Variants in KCNG2 observed in about 807,000 individuals in gnomAD.
KCNG2 encodes potassium voltage-gated channel modifier subfamily G member 2.
In KCNG2, 7 loss-of-function variants were observed where a neutral mutation model predicts 12.3. The ratio of observed to expected loss-of-function variants is 0.57; its 90% confidence interval spans 0.32 to 1.07. The LOEUF (loss-of-function observed/expected upper bound fraction) is 1.07. Ranked by LOEUF, KCNG2 falls within the 50% of genes least tolerant of loss-of-function variation. The pLI, the probability that KCNG2 is intolerant of heterozygous loss-of-function variation, is 0.04. For synonymous variants in KCNG2, 414 were observed against 351.4 expected (o/e 1.18, Z -1.99); for missense variants, 703 against 726.0 (o/e 0.97, Z 0.36).
At chr18:79,875,542 T>C (rs1433199452) in intron 3 of KCNG2, among the ~76,000 whole-genome samples, 1 of 152,244 alleles carries the variant, frequency 6.6e-6, no homozygotes, top group Non-Finnish European at 1.5e-5. Context: ...GCCTTTGTTA[T>C]GGGGTCGGCC....
chr18:79,847,736 C>G (rs1331280892), intron 1 of KCNG2, among the ~76,000 whole-genome samples: 2 of 152,220 alleles, frequency 1.3e-5, no homozygotes, highest in Non-Finnish European at 2.9e-5. Flanking sequence ...GACACACACT[C>G]ATGTTGCATG....
At chr18:79,827,010 G>C (rs1048023883) in intron 1 of KCNG2, among the ~76,000 whole-genome samples, 1 of 152,268 alleles carries the variant, frequency 6.6e-6, no homozygotes. Flanking sequence ...TTTCTGTTCA[G>C]GACGCTGAGC....
intron 3 of KCNG2, among the ~76,000 whole-genome samples, chr18:79,871,039 G>T (rs1979808211): frequency 6.6e-6 from 1 of 152,140 alleles, no homozygotes; most frequent in African/African-American, 2.4e-5. Flanking sequence ...CCAAAGACCA[G>T]CACCGAGAGA....
intron 1 of KCNG2, among the ~76,000 whole-genome samples, chr18:79,818,326 G>A (rs1390157820): frequency 6.6e-6 from 1 of 152,258 alleles, no homozygotes; most frequent in African/African-American, 2.4e-5. Flanking sequence ...CCCAAGAGGG[G>A]CGTGGAGGCT....
At chr18:79,820,656 C>G (rs960015929) in intron 1 of KCNG2, among the ~76,000 whole-genome samples, 1 of 152,074 alleles carries the variant, frequency 6.6e-6, no homozygotes, top group African/African-American at 2.4e-5. Flanking sequence ...GTTCTTTGCC[C>G]ATTTTATTTA....
At chr18:79,828,467 C>G (rs528249769) in intron 1 of KCNG2, among the ~76,000 whole-genome samples, 1 of 149,772 alleles carries the variant, frequency 6.7e-6, no homozygotes, top group African/African-American at 2.5e-5. Context: ...AAATGTGTGT[C>G]TGTGTGTGCA....
intron 1 of KCNG2, among the ~76,000 whole-genome samples, chr18:79,831,655 G>T (rs57956968): frequency 3.9e-5 from 4 of 102,248 alleles, no homozygotes; most frequent in African/African-American, 2.6e-4. Context: ...GTGCCCTGCG[G>T]ACAGAGCCTT....
At chr18:79,812,475 G>A (rs118090968) in intron 1 of KCNG2, among the ~76,000 whole-genome samples, 2,374 of 152,290 alleles carry the variant, frequency 0.016, 29 homozygotes, top group Admixed American at 0.025. Flanking sequence ...TCAAAGAAGA[G>A]AAGGGAACCC....
chr18:79,855,882 T>C (rs1236294562), intron 1 of KCNG2, among the ~76,000 whole-genome samples: 2 of 152,178 alleles, frequency 1.3e-5, no homozygotes, highest in Non-Finnish European at 1.5e-5. Context: ...ATGAATGAAA[T>C]TGAGCATTTT....
intron 3 of KCNG2, among the ~76,000 whole-genome samples, chr18:79,882,919 C>T (rs1980373075): frequency 6.6e-6 from 1 of 152,004 alleles, no homozygotes; most frequent in South Asian, 2.1e-4. Flanking sequence ...CACGCGGAGG[C>T]CGGGTACACC....
chr18:79,848,476 G>A (rs376967505), intron 1 of KCNG2, among the ~76,000 whole-genome samples: 37 of 152,290 alleles, frequency 2.4e-4, no homozygotes, highest in African/African-American at 8.7e-4. Flanking sequence ...TGCATCCCAC[G>A]GCCTCAGTGT....
At chr18:79,871,683 G>A (rs1979837577) in intron 3 of KCNG2, among the ~76,000 whole-genome samples, 1 of 152,232 alleles carries the variant, frequency 6.6e-6, no homozygotes, top group South Asian at 2.1e-4. Context: ...AGGGGCAGTA[G>A]AGGGAGGGGA....
At chr18:79,866,112 GCTGAGAGGTCTGTGTT>G (rs1175172983) in intron 3 of KCNG2, among the ~76,000 whole-genome samples, 1 of 148,118 alleles carries the variant, frequency 6.8e-6, no homozygotes, top group Non-Finnish European at 1.5e-5. Context: ...AGGTCTGGGT[GCTGAGAGGTCTGTGTT>G]CTGAGGTCTG....
At chr18:79,832,713 C>T (rs924292086) in intron 1 of KCNG2, among the ~76,000 whole-genome samples, 9 of 152,246 alleles carry the variant, frequency 5.9e-5, no homozygotes, top group African/African-American at 2.2e-4. Flanking sequence ...ATCCTGCTCT[C>T]AGGACCCTCG....
intron 3 of KCNG2, among the ~76,000 whole-genome samples, chr18:79,889,500 C>G (rs962448251): frequency 2.6e-5 from 4 of 152,212 alleles, no homozygotes; most frequent in Non-Finnish European, 4.4e-5. Flanking sequence ...TATTCTGATG[C>G]ATTTCTTCCT....
At position 79,899,683 on chromosome 18, in the gene KCNG2, C is replaced by T. The variant is rs1409081629; in HGVS notation, c.1268C>T (p.Ala423Val). 1.2e-6 allele frequency: 2 copies of T among 1,607,912 alleles called. No individual in the cohort carries two copies. Among genetic ancestry groups the T allele is most frequent in the Non-Finnish European group, 1.7e-6 (2 of 1,178,106 alleles). The change falls in exon 4 of 4, where the codon GCC becomes GTC. Residue 423 changes from alanine to valine, a missense_variant. Transcript: ENST00000316249. The part of the protein sequence containing the change: ...SELKEQQQRA[A>V]SPEPALQEDS... ...CTCAAGGAGCAGCAGCAGCGCGCGG[C>T]CAGCCCCGAGCCGGCCCTGCAGGAG...
At chr18:79,888,029 C>T (rs1980595400) in intron 3 of KCNG2, among the ~76,000 whole-genome samples, 1 of 152,226 alleles carries the variant, frequency 6.6e-6, no homozygotes, top group African/African-American at 2.4e-5. Flanking sequence ...ATTTAACACC[C>T]TTTAAAACGG....
chr18:79,850,316 C>T (rs1391523926), intron 1 of KCNG2, among the ~76,000 whole-genome samples: 3 of 152,158 alleles, frequency 2.0e-5, no homozygotes, highest in Non-Finnish European at 4.4e-5. Flanking sequence ...TATTCTGTTC[C>T]TTGAATATCT....
At chr18:79,876,101 C>T (rs56328473) in intron 3 of KCNG2, 45,167 of 152,298 alleles carry the variant, frequency 0.3, 7,797 homozygotes, top group South Asian at 0.53. Flanking sequence ...GGAAGGTCTG[C>T]GGCATTTTGG....
Sources: allele counts gnomAD v4.1 joint callset (sites outside exome capture counted in the v4.1 genomes callset), GRCh38; gene constraint gnomAD v4.1.1; transcripts MANE v1.5; gene names NCBI Gene and HGNC (gene_info 2026-07-23, HGNC 2026-07-21).